Variants in MEGF9 observed in about 807,000 individuals in gnomAD.
MEGF9 encodes multiple EGF like domains 9, also known as multiple epidermal growth factor-like domains protein 9.
Under a neutral mutation model 46.8 loss-of-function variants are expected in MEGF9, and 6 were observed. That is an observed-to-expected ratio of 0.13 (90% confidence interval 0.07 to 0.25). The LOEUF (loss-of-function observed/expected upper bound fraction) is 0.25, where lower values mean the gene tolerates loss of function less well. Among genes scored for constraint, MEGF9 ranks in the 10% least tolerant of loss-of-function variants. The pLI is 1.00. For missense variants in MEGF9, 683 were observed against 792.4 expected, an observed-to-expected ratio of 0.86 and a Z score of 1.66; for synonymous variants, 302 against 330.7, an observed-to-expected ratio of 0.91 and a Z score of 0.94.
At chr9:120,681,980 G>C (rs2043800476) in intron 1 of MEGF9, among the ~76,000 whole-genome samples, 1 of 152,114 alleles carries the variant, frequency 6.6e-6, no homozygotes, top group Admixed American at 6.6e-5. Context: ...TAAAATTAGA[G>C]TAATGAACCT....
intron 2 of MEGF9, among the ~76,000 whole-genome samples, chr9:120,634,252 T>A (rs567625090): frequency 1.5e-4 from 23 of 152,234 alleles, no homozygotes; most frequent in Non-Finnish European, 2.9e-4. Flanking sequence ...TCTAATAATA[T>A]GTGCATATGT....
intron 2 of MEGF9, among the ~76,000 whole-genome samples, chr9:120,637,949 G>C (rs972794657): frequency 6.6e-6 from 1 of 151,814 alleles, no homozygotes; most frequent in African/African-American, 2.4e-5. Flanking sequence ...GTATTCTTTT[G>C]TAACCATTGT....
At chr9:120,607,229 AATATTT>A (rs1279763950) in intron 5 of MEGF9, among the ~76,000 whole-genome samples, 1 of 152,214 alleles carries the variant, frequency 6.6e-6, no homozygotes, top group African/African-American at 2.4e-5. Context: ...TCCTATAAGA[AATATTT>A]TGCCATGTGG....
chr9:120,607,621 T>C (rs1434989273), intron 5 of MEGF9, 120 bp downstream of exon 5: 5 of 1,088,722 alleles, frequency 4.6e-6, no homozygotes, highest in Non-Finnish European at 6.7e-6. Context: ...TTTAGGCAAA[T>C]ATCTATCAAA....
At chr9:120,657,385 A>G (rs2043681879) in intron 2 of MEGF9, among the ~76,000 whole-genome samples, 1 of 152,270 alleles carries the variant, frequency 6.6e-6, no homozygotes, top group East Asian at 1.9e-4. Flanking sequence ...CAGTAGAATT[A>G]TGAATACAGT....
intron 3 of MEGF9, among the ~76,000 whole-genome samples, chr9:120,616,876 A>G (rs74372169): frequency 0.048 from 7,349 of 152,268 alleles, 251 homozygotes; most frequent in Non-Finnish European, 0.077. Context: ...GTGAAAGACT[A>G]TTCCATAGGA....
At chr9:120,643,916 T>C (rs1037141671) in intron 2 of MEGF9, among the ~76,000 whole-genome samples, 1 of 152,176 alleles carries the variant, frequency 6.6e-6, no homozygotes, top group Non-Finnish European at 1.5e-5. Context: ...GGTCTCCTTA[T>C]GTTGCCCAGG....
At chr9:120,713,703 A>C in intron 1 of MEGF9, 55 bp downstream of exon 1, 1 of 1,263,402 alleles carries the variant, frequency 7.9e-7, no homozygotes, top group Non-Finnish European at 9.9e-7. Flanking sequence ...CCAACCCTAG[A>C]TTGCCGGGGC....
rs1203196802 is a variant in MEGF9, at chr9:120,601,339, T to C, written c.*3851A>G. The C allele has an allele frequency of 2.0e-5, 3 of 152,198 alleles. No individual in the cohort carries two copies. Among genetic ancestry groups the C allele is most frequent in the Non-Finnish European group, 4.4e-5 (3 of 68,032 alleles). 9.4% of individuals were successfully genotyped at this position (152,198 alleles called of 1,614,324 possible). A position where few individuals can be genotyped will look rare whatever the true frequency, so the allele number is the denominator to read the frequency against. On this transcript the variant is annotated 3_prime_UTR_variant, in exon 6 of 6. Transcript: ENST00000373930. The stretch of plus-strand genomic sequence containing the variant: ...TAAGTGGTGTTATGTTCACCAAGCA[T>C]CCTAAAAAGTGTAGGACCAAGGTGA...
chr9:120,634,612 A>G (rs574908482), intron 2 of MEGF9, among the ~76,000 whole-genome samples: 23 of 152,010 alleles, frequency 1.5e-4, no homozygotes, highest in African/African-American at 5.1e-4. Context: ...CAGTCTGTGT[A>G]TGTCTTTACA....
intron 2 of MEGF9, among the ~76,000 whole-genome samples, chr9:120,649,343 G>C (rs1329460527): frequency 6.6e-6 from 1 of 152,204 alleles, no homozygotes; most frequent in Non-Finnish European, 1.5e-5. Context: ...CCCAGTGGAA[G>C]CTACTATCTG....
intron 2 of MEGF9, among the ~76,000 whole-genome samples, chr9:120,649,574 C>A (rs565048211): frequency 6.6e-6 from 1 of 152,240 alleles, no homozygotes; most frequent in South Asian, 2.1e-4. Flanking sequence ...CAGGCTCCAA[C>A]CACCCATGAC....
intron 1 of MEGF9, among the ~76,000 whole-genome samples, chr9:120,672,108 A>G (rs2043751802): frequency 6.6e-6 from 1 of 152,196 alleles, no homozygotes; most frequent in African/African-American, 2.4e-5. Flanking sequence ...TCTCAGCCTA[A>G]TAAAGGGTAT....
intron 1 of MEGF9, among the ~76,000 whole-genome samples, chr9:120,692,021 C>T (rs139984912): frequency 2.6e-5 from 4 of 152,260 alleles, no homozygotes; most frequent in African/African-American, 7.2e-5. Context: ...TTCTTATCTT[C>T]GGTTTCCTCA....
At position 120,714,439 on chromosome 9, in the gene MEGF9, C is replaced by A. The variant is rs1001665663; in HGVS notation, c.-81G>T. The A allele has an allele frequency of 2.6e-6, 3 of 1,144,068 alleles. No individual in the cohort carries two copies. The highest frequency in any genetic ancestry group is 3.3e-6 in the Non-Finnish European group (3 of 909,958). 70.9% of individuals were successfully genotyped at this position (1,144,068 alleles called of 1,614,324 possible). A position where few individuals can be genotyped will look rare whatever the true frequency, so the allele number is the denominator to read the frequency against. ...AAGCCTCCGCAACCGCCGCCGCCAC[C>A]GCCACCGGGCGCACCATCGCCACCT... On this transcript the variant is annotated 5_prime_UTR_variant, in exon 1 of 6. Coordinates refer to ENST00000373930, the MANE Select transcript of MEGF9 (RefSeq NM_001080497.3).
intron 4 of MEGF9, among the ~76,000 whole-genome samples, chr9:120,608,892 C>T (rs1012968313): frequency 7.9e-5 from 12 of 152,182 alleles, no homozygotes; most frequent in Non-Finnish European, 1.6e-4. Flanking sequence ...TTCCAATCCA[C>T]GGATGTCTCT....
chr9:120,657,958 A>C (rs890032788), intron 2 of MEGF9, among the ~76,000 whole-genome samples: 5 of 152,148 alleles, frequency 3.3e-5, no homozygotes, highest in Admixed American at 1.3e-4. Flanking sequence ...CTGCATTTGA[A>C]ATTATAAACT....
At chr9:120,646,147 C>G (rs146286781) in intron 2 of MEGF9, among the ~76,000 whole-genome samples, 221 of 152,190 alleles carry the variant, frequency 1.5e-3, no homozygotes, top group African/African-American at 4.9e-3. Context: ...GGCGTATCAC[C>G]CTTCTGACTC....
rs2043417974 is a variant in MEGF9 at position 120,605,771 on chromosome 9, C to T, written c.1358-130G>A. 1.4e-6 allele frequency: 1 copy of T among 697,936 alleles called. No individual in the cohort carries two copies. Among genetic ancestry groups the T allele is most frequent in the Admixed American group, 2.9e-5 (1 of 33,904 alleles). 43.2% of individuals were successfully genotyped at this position (697,936 alleles called of 1,614,324 possible). A position where few individuals can be genotyped will look rare whatever the true frequency, so the allele number is the denominator to read the frequency against. On this transcript the variant is annotated intron_variant, in intron 5 of 5. Transcript: ENST00000373930. This position sits in a 1 kb window ranked among gnomAD's most constrained non-coding sequence, Gnocchi z 4.0. ...CATGATATTCTGCTTTAAGGTAATG[C>T]AAGTTAAAAATAATGTTTAAAGAAA... is the stretch of plus-strand genomic sequence containing the variant.
Sources: allele counts gnomAD v4.1 joint callset (sites outside exome capture counted in the v4.1 genomes callset), GRCh38; gene constraint gnomAD v4.1.1; non-coding constraint Gnocchi (gnomAD v3.1); transcripts MANE v1.5; gene names NCBI Gene and HGNC (gene_info 2026-07-23, HGNC 2026-07-21).